The following RPH3A variants were observed in gnomAD, a reference collection of about 807,000 sequenced individuals.
RPH3A encodes the protein rabphilin-3A.
In RPH3A, 48 loss-of-function variants were observed where a neutral mutation model predicts 102.2. The observed-to-expected ratio is 0.47, with a 90% CI of 0.37 to 0.60. RPH3A has a LOEUF of 0.60. RPH3A is among the 20% of genes least tolerant of loss of function. RPH3A has a pLI of 0.00. For missense variants in RPH3A, 781 were observed against 910.1 expected (o/e 0.86, Z 1.83); for synonymous variants, 310 against 324.3 (o/e 0.96, Z 0.47).
At chr12:112,854,186 C>A (rs1022136363) in intron 5 of RPH3A, among the ~76,000 whole-genome samples, 1 of 152,204 alleles carries the variant, frequency 6.6e-6, no homozygotes, top group African/African-American at 2.4e-5. Flanking sequence ...TGGTTTAATT[C>A]CCTACCCAGT....
chr12:112,698,326 C>A (rs909425963), intron 1 of RPH3A, among the ~76,000 whole-genome samples: 6 of 152,122 alleles, frequency 3.9e-5, no homozygotes, highest in African/African-American at 1.4e-4. Flanking sequence ...GGAGAAAAAT[C>A]TTTGTGACCT....
chr12:112,755,633 C>G (rs949201344), intron 1 of RPH3A, among the ~76,000 whole-genome samples: 2 of 152,076 alleles, frequency 1.3e-5, no homozygotes, highest in Non-Finnish European at 2.9e-5. Context: ...TAACTATTAT[C>G]CCTTCAGCCT....
In RPH3A at chr12:112,648,570, C is replaced by CAAA. The variant is rs1167121829; in HGVS notation, c.-140+73277_-140+73279dup. ...GCAACAGAGTGAAACCCCATCTCTA[C>CAAA]AAAAAAAAAAAAAAAAAAAAAAAAA... On this transcript the variant is annotated intron_variant, in intron 1 of 21. Transcript: ENST00000543106. Among the ~76,000 whole-genome samples the CAAA allele has an allele frequency of 8.2e-4, 9 of 11,042 alleles. 3 individuals carry two copies. Among genetic ancestry groups the CAAA allele is most frequent in the Admixed American group, 3.4e-3 (2 of 582 alleles). The allele number at this position is 11,042 out of a possible 152,430, so 7.2% of individuals were successfully genotyped here.
intron 1 of RPH3A, among the ~76,000 whole-genome samples, chr12:112,737,104 G>A (rs147226347): frequency 1.2e-3 from 176 of 146,656 alleles, no homozygotes; most frequent in African/African-American, 3.8e-3. Flanking sequence ...GCAGTGAGCC[G>A]AGATTGTGCT....
At chr12:112,875,652 C>A (rs1447895227) in intron 11 of RPH3A, 27 bp from the exon 12 acceptor site, 2 of 1,598,370 alleles carry the variant, frequency 1.3e-6, no homozygotes, top group Non-Finnish European at 1.7e-6. Context: ...TCTGCTGCAT[C>A]TCTGTTTGTC....
At chr12:112,832,507 A>G (rs971943276) in intron 3 of RPH3A, among the ~76,000 whole-genome samples, 1 of 152,176 alleles carries the variant, frequency 6.6e-6, no homozygotes, top group Non-Finnish European at 1.5e-5. Context: ...AATTTTCAGG[A>G]TTTGTGAGCC....
chr12:112,613,439 T>C (rs1368244558), intron 1 of RPH3A, among the ~76,000 whole-genome samples: 2 of 152,134 alleles, frequency 1.3e-5, no homozygotes, highest in Non-Finnish European at 2.9e-5. Flanking sequence ...GATGGAGTAA[T>C]GGCTCCCAAA....
chr12:112,632,068 T>G (rs2039810917), intron 1 of RPH3A, among the ~76,000 whole-genome samples: 1 of 152,168 alleles, frequency 6.6e-6, no homozygotes, highest in African/African-American at 2.4e-5. Context: ...TGCACTGTTC[T>G]TATGATAGTG....
intron 3 of RPH3A, among the ~76,000 whole-genome samples, chr12:112,832,133 G>GAAACAGACA (rs2041980201): frequency 6.6e-6 from 1 of 151,810 alleles, no homozygotes; most frequent in Non-Finnish European, 1.5e-5. Context: ...TCTTTGAGTT[G>GAAACAGACA]GGGTCTTGCT....
At chr12:112,814,129 G>A (rs1235954827) in intron 2 of RPH3A, among the ~76,000 whole-genome samples, 36 of 151,858 alleles carry the variant, frequency 2.4e-4, no homozygotes, top group Non-Finnish European at 5.9e-5. Flanking sequence ...GGGGATGTGA[G>A]TGTGTGTATG....
intron 1 of RPH3A, among the ~76,000 whole-genome samples, chr12:112,599,595 T>A (rs2135967861): frequency 6.6e-6 from 1 of 152,332 alleles, no homozygotes; most frequent in Non-Finnish European, 1.5e-5. Flanking sequence ...ATAAATGGGT[T>A]AGTTATAGCT....
At chr12:112,678,875 A>G (rs2040206551) in intron 1 of RPH3A, among the ~76,000 whole-genome samples, 1 of 152,150 alleles carries the variant, frequency 6.6e-6, no homozygotes, top group Non-Finnish European at 1.5e-5. Flanking sequence ...GATTAGATAG[A>G]GCCCTGGAGC....
At chr12:112,842,107 A>C in intron 4 of RPH3A, 11 of 449,512 alleles carry the variant, frequency 2.4e-5, no homozygotes, top group South Asian at 1.7e-4. Flanking sequence ...CCCCTGGGTC[A>C]GTGACTCATT....
chr12:112,737,545 T>C (rs2040678219), intron 1 of RPH3A, among the ~76,000 whole-genome samples: 1 of 152,190 alleles, frequency 6.6e-6, no homozygotes, highest in Non-Finnish European at 1.5e-5. Context: ...TTGGATAGCA[T>C]AGACATGCCA....
At chr12:112,624,527 A>C (rs2039757568) in intron 1 of RPH3A, among the ~76,000 whole-genome samples, 1 of 150,124 alleles carries the variant, frequency 6.7e-6, no homozygotes, top group African/African-American at 2.4e-5. Context: ...ATCTCTGAAT[A>C]GACCAATAAC....
intron 1 of RPH3A, among the ~76,000 whole-genome samples, chr12:112,604,588 C>T (rs1466944567): frequency 6.6e-6 from 1 of 152,072 alleles, no homozygotes; most frequent in Non-Finnish European, 1.5e-5. Context: ...ACAAATTAAC[C>T]CAACATGTAG....
intron 1 of RPH3A, among the ~76,000 whole-genome samples, chr12:112,634,225 G>A: frequency 1.3e-5 from 1 of 75,464 alleles, no homozygotes; most frequent in African/African-American, 6.9e-5. Context: ...GCGGGCGCCT[G>A]TAGTCCCAGC....
chr12:112,837,805 GA>G (rs1565910638), intron 4 of RPH3A: 1 of 455,946 alleles, frequency 2.2e-6, no homozygotes, highest in Admixed American at 2.3e-5. Context: ...GCTGCAGGTT[GA>G]AAGGTAGCAT....
At chr12:112,713,913 G>T (rs1047253018) in intron 1 of RPH3A, among the ~76,000 whole-genome samples, 1 of 152,204 alleles carries the variant, frequency 6.6e-6, no homozygotes, top group Non-Finnish European at 1.5e-5. Flanking sequence ...CAGTGGCTGA[G>T]ACGTGGGTTC....
Sources: allele counts gnomAD v4.1 joint callset (sites outside exome capture counted in the v4.1 genomes callset), GRCh38; gene constraint gnomAD v4.1.1; transcripts MANE v1.5; gene names NCBI Gene and HGNC (gene_info 2026-07-23, HGNC 2026-07-21).